The following LRRC8B variants were observed in gnomAD, a reference collection of about 807,000 sequenced individuals.
LRRC8B encodes the protein leucine rich repeat containing 8 VRAC subunit B.
In LRRC8B, 23 loss-of-function variants were observed where a neutral mutation model predicts 58.8. The observed-to-expected ratio is 0.39, with a 90% CI of 0.28 to 0.55. LRRC8B has a LOEUF of 0.55. Ranked by LOEUF, LRRC8B falls within the 20% of genes least tolerant of loss-of-function variation. The pLI is 0.62. For missense variants in LRRC8B, 694 were observed against 936.0 expected, an observed-to-expected ratio of 0.74 and a Z score of 3.37; for synonymous variants, 359 against 374.1, an observed-to-expected ratio of 0.96 and a Z score of 0.47.
In LRRC8B at chr1:89,583,229, A is replaced by G; in HGVS notation, c.579A>G (p.Ser193=). ...LSKSKILLSS[S]GCSADIDSGK... ...AGTCCAAGATTTTGCTTTCGTCCTC[A>G]GGGTGTTCAGCTGACATAGATTCCG... The change falls in exon 5 of 6, where the codon TCA becomes TCG. Residue 193 remains serine (S), a synonymous_variant. Transcript: ENST00000330947. This position sits in a 1 kb window ranked among gnomAD's most constrained non-coding sequence, Gnocchi z 5.2. 1.2e-6 allele frequency: 2 copies of G among 1,614,148 alleles called. No individual in the cohort carries two copies. Among genetic ancestry groups the G allele is most frequent in the East Asian group, 2.2e-5 (1 of 44,884 alleles).
intron 3 of LRRC8B, among the ~76,000 whole-genome samples, chr1:89,574,645 T>C (rs1653714215): frequency 6.6e-6 from 1 of 152,208 alleles, no homozygotes; most frequent in Non-Finnish European, 1.5e-5. Context: ...AGAAAGAGAC[T>C]AATTAAAGAA....
In LRRC8B at chr1:89,595,128, C is replaced by G. The variant is rs1163483927; in HGVS notation, c.*2085C>G. On this transcript the variant is annotated 3_prime_UTR_variant, in exon 6 of 6. Coordinates refer to ENST00000330947, the MANE Select transcript of LRRC8B (RefSeq NM_001369817.2). ...CTCACACATTATTGTTTATTCTGAA[C>G]GGAAAGGAACAGTGTAAAAATAAAC... The G allele has an allele frequency of 6.6e-6, 1 of 152,016 alleles. No homozygotes were observed. Among genetic ancestry groups the G allele is most frequent in the Admixed American group, 6.6e-5 (1 of 15,252 alleles). The allele number at this position is 152,016 out of a possible 1,614,324, so 9.4% of individuals were successfully genotyped here.
At chr1:89,556,126 T>G (rs1197382130) in intron 1 of LRRC8B, among the ~76,000 whole-genome samples, 1 of 152,102 alleles carries the variant, frequency 6.6e-6, no homozygotes, top group Non-Finnish European at 1.5e-5. Flanking sequence ...AGATTTTCAG[T>G]CACTAACGGC....
chr1:89,562,905 A>C (rs534613817), intron 1 of LRRC8B, among the ~76,000 whole-genome samples: 1 of 152,288 alleles, frequency 6.6e-6, no homozygotes, highest in South Asian at 2.1e-4. Context: ...TAGCATGTCA[A>C]CCTTAAGTAT....
chr1:89,549,838 T>C (rs1651678122), intron 1 of LRRC8B: 1 of 152,130 alleles, frequency 6.6e-6, no homozygotes. Context: ...CAAGTGCAGG[T>C]CTTTAAGTCC....
At chr1:89,525,392 C>G (rs917490383) in intron 1 of LRRC8B, among the ~76,000 whole-genome samples, 8 of 152,206 alleles carry the variant, frequency 5.3e-5, no homozygotes, top group African/African-American at 1.7e-4. Context: ...AAAGGGGTTC[C>G]GCTTTCCCAG....
chr1:89,546,508 A>C (rs1220111441), intron 1 of LRRC8B, among the ~76,000 whole-genome samples: 1 of 152,172 alleles, frequency 6.6e-6, no homozygotes, highest in East Asian at 1.9e-4. Flanking sequence ...TTCTGTCAGA[A>C]CACTCCATCA....
rs576468045 is a variant in LRRC8B, at chr1:89,565,723, G to T, written c.-240-2524G>T. Among the ~76,000 whole-genome samples, 30 of 152,274 alleles carry T rather than the reference G, an allele frequency of 2.0e-4. No individual in the cohort carries two copies. In the East Asian group the frequency reaches 4.0e-3, roughly 21 times the overall value. The stretch of plus-strand genomic sequence containing the variant: ...TGCTGTCCTTCATTTACTCAACAAT[G>T]ATTTACTAAATATTCATGGCACAGA... On this transcript the variant is annotated intron_variant, in intron 1 of 5. Transcript: ENST00000330947.
chr1:89,541,421 T>C (rs1208058194), intron 1 of LRRC8B, among the ~76,000 whole-genome samples: 1 of 152,120 alleles, frequency 6.6e-6, no homozygotes, highest in East Asian at 1.9e-4. Flanking sequence ...ATTAAAAAGC[T>C]GGCTTTCTGG....
At chr1:89,555,731 A>G (rs1274234764) in intron 1 of LRRC8B, among the ~76,000 whole-genome samples, 3 of 152,224 alleles carry the variant, frequency 2.0e-5, no homozygotes, top group Admixed American at 6.5e-5. Context: ...GACTTAAACG[A>G]CTGCCTTGTT....
At chr1:89,526,775 C>T (rs538295216) in intron 1 of LRRC8B, among the ~76,000 whole-genome samples, 11 of 152,304 alleles carry the variant, frequency 7.2e-5, no homozygotes, top group African/African-American at 2.2e-4. Context: ...ATCTGCATGT[C>T]GGAATTAAGT....
At chr1:89,567,631 G>A (rs558530354) in intron 1 of LRRC8B, among the ~76,000 whole-genome samples, 6 of 152,102 alleles carry the variant, frequency 3.9e-5, no homozygotes, top group African/African-American at 1.4e-4. Flanking sequence ...ATTGTTGACA[G>A]GAAAGAAAAT....
In LRRC8B at chr1:89,593,819, T is replaced by C. The variant is rs1043343485; in HGVS notation, c.*776T>C. 1 of 152,248 alleles carries C rather than the reference T, an allele frequency of 6.6e-6. No homozygotes were observed. The highest frequency in any genetic ancestry group is 1.5e-5 in the Non-Finnish European group (1 of 68,052). 9.4% of individuals were successfully genotyped at this position (152,248 alleles called of 1,614,324 possible). A position where few individuals can be genotyped will look rare whatever the true frequency, so the allele number is the denominator to read the frequency against. ...ACTCACGACTGTCTTTGATTTATGT[T>C]CCTAAATTTTTTTAGATAGGGTATG... On this transcript the variant is annotated 3_prime_UTR_variant, in exon 6 of 6. Transcript: ENST00000330947.
chr1:89,589,620 A>G (rs902771787), intron 5 of LRRC8B, among the ~76,000 whole-genome samples: 11 of 151,712 alleles, frequency 7.3e-5, no homozygotes, highest in African/African-American at 2.7e-4. Context: ...TAATGTAGAA[A>G]TTCCTTCTGA....
intron 5 of LRRC8B, chr1:89,587,812 A>T (rs1162034724): frequency 6.6e-6 from 1 of 152,312 alleles, no homozygotes; most frequent in Non-Finnish European, 1.5e-5. Context: ...GAAAACAATC[A>T]GGCACAAAGT....
intron 4 of LRRC8B, among the ~76,000 whole-genome samples, chr1:89,581,465 T>C (rs1654220018): frequency 6.6e-6 from 1 of 152,154 alleles, no homozygotes; most frequent in Non-Finnish European, 1.5e-5. Context: ...TTTTTCTTCT[T>C]TTTCTTATCA....
intron 5 of LRRC8B, among the ~76,000 whole-genome samples, chr1:89,591,764 AG>A (rs1186164506): frequency 1.3e-5 from 2 of 152,208 alleles, no homozygotes; most frequent in Non-Finnish European, 2.9e-5. Context: ...ATATAGGCCA[AG>A]TCCCTGAGTG....
At chr1:89,567,530 CAAAT>C (rs890009170) in intron 1 of LRRC8B, among the ~76,000 whole-genome samples, 24 of 152,094 alleles carry the variant, frequency 1.6e-4, no homozygotes, top group African/African-American at 5.8e-4. Flanking sequence ...AAAGAAATGC[CAAAT>C]AAAGCAACAA....
In LRRC8B at chr1:89,582,907, C is replaced by T. The variant is rs1448967488; in HGVS notation, c.257C>T (p.Pro86Leu). 7 of 1,614,202 alleles carry T rather than the reference C, an allele frequency of 4.3e-6. No individual in the cohort carries two copies. In the South Asian group the frequency reaches 4.4e-5, roughly 10 times the overall value. The change falls in exon 5 of 6, where the codon CCG (proline) becomes CTG (leucine). Residue 86 changes from proline to leucine, a missense_variant. Pro to Leu is a moderately conservative substitution (Grantham distance 98). Coordinates refer to ENST00000330947, the MANE Select transcript of LRRC8B (RefSeq NM_001369817.2). ...SMNTSSNPGT[P>L]LPLPLRIQND... Reference sequence around the variant, plus strand: ...AACACATCCTCTAATCCTGGGACACCGCTTCCGCTCCCCCTCCGAATTCAG... The same window carrying T: ...AACACATCCTCTAATCCTGGGACACTGCTTCCGCTCCCCCTCCGAATTCAG...
Sources: allele counts gnomAD v4.1 joint callset (sites outside exome capture counted in the v4.1 genomes callset), GRCh38; gene constraint gnomAD v4.1.1; non-coding constraint Gnocchi (gnomAD v3.1); transcripts MANE v1.5; gene names NCBI Gene and HGNC (gene_info 2026-07-23, HGNC 2026-07-21).